WDR11: variants seen among roughly 807,000 people sequenced by gnomAD.
The protein encoded by WDR11 is WD repeat-containing protein 11.
In WDR11, 83 loss-of-function variants were observed where a neutral mutation model predicts 151.2. The observed-to-expected ratio is 0.55, with a 90% CI of 0.46 to 0.66. WDR11 has a LOEUF of 0.66. Among genes scored for constraint, WDR11 ranks in the 30% least tolerant of loss-of-function variants. The pLI, the probability that WDR11 is intolerant of heterozygous loss-of-function variation, is 0.00. For synonymous variants in WDR11, 484 were observed against 533.1 expected, an observed-to-expected ratio of 0.91 and a Z score of 1.27; for missense variants, 1,301 against 1,480.9, an observed-to-expected ratio of 0.88 and a Z score of 1.99.
At chr10:120,869,912 C>T (rs1201886194) in intron 9 of WDR11, among the ~76,000 whole-genome samples, 1 of 152,170 alleles carries the variant, frequency 6.6e-6, no homozygotes, top group East Asian at 1.9e-4. Flanking sequence ...GCCTCAGCCC[C>T]ATGAGTAGCT....
chr10:120,901,692 A>G (rs971810048), intron 21 of WDR11, among the ~76,000 whole-genome samples: 4 of 152,252 alleles, frequency 2.6e-5, no homozygotes, highest in African/African-American at 7.2e-5. Context: ...ATGATATTTT[A>G]TTGACGGAAA....
intron 21 of WDR11, among the ~76,000 whole-genome samples, chr10:120,901,888 A>G (rs1307319434): frequency 1.3e-5 from 2 of 152,248 alleles, no homozygotes; most frequent in Admixed American, 1.3e-4. Context: ...TAGTTTCAGA[A>G]TAAATTACGA....
At chr10:120,853,457 G>C (rs965471840) in intron 2 of WDR11, among the ~76,000 whole-genome samples, 3 of 152,024 alleles carry the variant, frequency 2.0e-5, no homozygotes, top group African/African-American at 7.3e-5. Flanking sequence ...AGTAGAGACC[G>C]GGTTTCACCA....
intron 1 of WDR11, 165 bp from the exon 2 acceptor site, chr10:120,852,359 G>C (rs1845809429): frequency 4.7e-6 from 3 of 634,480 alleles, no homozygotes; most frequent in African/African-American, 3.7e-5. Flanking sequence ...AGCTTAGCCA[G>C]ATCTTTTATT....
chr10:120,896,778 TGGC>T (rs1847628687), intron 19 of WDR11, among the ~76,000 whole-genome samples: 2 of 152,074 alleles, frequency 1.3e-5, no homozygotes, highest in South Asian at 2.1e-4. Flanking sequence ...GGATGGGAAA[TGGC>T]GGTGGTGGGA....
At chr10:120,855,975 G>C (rs1467244300) in intron 2 of WDR11, 1 of 152,136 alleles carries the variant, frequency 6.6e-6, no homozygotes, top group East Asian at 1.9e-4. Flanking sequence ...TCTGATGTAA[G>C]GTATAGGGTG....
At chr10:120,858,133 ATT>A (rs34379642) in intron 2 of WDR11, among the ~76,000 whole-genome samples, 45,933 of 149,312 alleles carry the variant, frequency 0.31, 7,277 homozygotes, top group East Asian at 0.42. Flanking sequence ...GGCATGAAGC[ATT>A]TTTTTTTTTT....
chr10:120,887,759 C>T (rs149609833), intron 16 of WDR11, among the ~76,000 whole-genome samples: 1,997 of 152,282 alleles, frequency 0.013, 17 homozygotes, highest in Non-Finnish European at 0.018. Flanking sequence ...GACAACTGGC[C>T]TCCCCTAGAG....
At chr10:120,863,176 AT>A (rs1293900453) in intron 5 of WDR11, among the ~76,000 whole-genome samples, 1 of 152,196 alleles carries the variant, frequency 6.6e-6, no homozygotes, top group African/African-American at 2.4e-5. Flanking sequence ...TTGAATTCTG[AT>A]TTTTACTTGT....
At chr10:120,884,646 T>G (rs1273461374) in intron 14 of WDR11, among the ~76,000 whole-genome samples, 2 of 150,300 alleles carry the variant, frequency 1.3e-5, no homozygotes, top group East Asian at 3.9e-4. Flanking sequence ...TAATCAAGAT[T>G]AATGCTTTTT....
chr10:120,871,112 CT>C, intron 9 of WDR11, 57 bp from the exon 10 acceptor site: 1 of 1,572,096 alleles, frequency 6.4e-7, no homozygotes, highest in South Asian at 1.1e-5. Flanking sequence ...TTTTCTTTAG[CT>C]TTTTAAGATC....
At chr10:120,875,074 T>A (rs1378334542) in intron 11 of WDR11, among the ~76,000 whole-genome samples, 2 of 152,124 alleles carry the variant, frequency 1.3e-5, no homozygotes, top group Non-Finnish European at 2.9e-5. Context: ...TGTTTGGTTT[T>A]CTGTTCCTCT....
Position 120,909,018 on chromosome 10 carries a change from TC to T in WDR11, c.*306del, listed in dbSNP as rs1848185489. ...CTTTTTAATTTTTTTAACTTAAAAT[TC>T]AAGAGACTGAATCACTTTTCTCATT... On this transcript the variant is annotated 3_prime_UTR_variant, in exon 29 of 29. Transcript: ENST00000263461. 5.6e-6 allele frequency: 2 copies of T among 355,550 alleles called. No individual in the cohort carries two copies. Among genetic ancestry groups the T allele is most frequent in the African/African-American group, 4.1e-5 (2 of 48,336 alleles). 22.0% of individuals were successfully genotyped at this position (355,550 alleles called of 1,614,324 possible).
At position 120,908,637 on chromosome 10, in the gene WDR11, C is replaced by A. The variant is rs1325342975; in HGVS notation, c.3599C>A (p.Ala1200Asp). 2 of 1,614,060 alleles carry A rather than the reference C, an allele frequency of 1.2e-6. No homozygotes were observed. The highest frequency in any genetic ancestry group is 1.7e-6 in the Non-Finnish European group (2 of 1,180,026). The stretch of plus-strand genomic sequence containing the variant: ...TTTAAGCAGGGAGCAGTTCTCTTTG[C>A]TTCAAAAGCCGGAGCAGCTGGCAAA... ...LGFKQGAVLF[A>D]SKAGAAGKDL... Residue 1200 changes from alanine (A) to aspartate (D), a missense_variant, in exon 29 of 29, where the codon GCT (alanine) becomes GAT (aspartate). By Grantham distance (126) the Ala-to-Asp change is moderately radical. Transcript: ENST00000263461.
chr10:120,855,700 G>A (rs1296621236), intron 2 of WDR11, among the ~76,000 whole-genome samples: 1 of 151,870 alleles, frequency 6.6e-6, no homozygotes, highest in Non-Finnish European at 1.5e-5. Context: ...ATTAATTTTT[G>A]TTTATTGATC....
intron 19 of WDR11, among the ~76,000 whole-genome samples, chr10:120,896,689 A>C (rs1487707594): frequency 2.0e-5 from 3 of 152,166 alleles, no homozygotes; most frequent in African/African-American, 7.2e-5. Flanking sequence ...TGTTTTGTGC[A>C]TGTTGTAGTC....
At chr10:120,904,375 ATTTGT>A (rs903647599) in intron 24 of WDR11, among the ~76,000 whole-genome samples, 2 of 152,034 alleles carry the variant, frequency 1.3e-5, no homozygotes, top group African/African-American at 4.8e-5. Context: ...GAGCCCAGCT[ATTTGT>A]TTTGTTTTGT....
At chr10:120,893,018 T>TTTA (rs1270878829) in intron 19 of WDR11, among the ~76,000 whole-genome samples, 15 of 152,020 alleles carry the variant, frequency 9.9e-5, no homozygotes, top group South Asian at 2.1e-4. Flanking sequence ...TTTTTTTAAT[T>TTTA]TTATTATTAT....
At chr10:120,860,063 A>T in intron 3 of WDR11, 46 bp from the exon 4 acceptor site, 1 of 1,610,824 alleles carries the variant, frequency 6.2e-7, no homozygotes, top group Non-Finnish European at 8.5e-7. Flanking sequence ...AGGACTTTGG[A>T]GAGTGTGGTT....
Sources: allele counts gnomAD v4.1 joint callset (sites outside exome capture counted in the v4.1 genomes callset), GRCh38; gene constraint gnomAD v4.1.1; transcripts MANE v1.5; gene names NCBI Gene and HGNC (gene_info 2026-07-23, HGNC 2026-07-21).